Variants in GALNTL6 observed in about 807,000 individuals in gnomAD.
GALNTL6 encodes the protein polypeptide N-acetylgalactosaminyltransferase like 6, also known as polypeptide N-acetylgalactosaminyltransferase-like 6.
Under a neutral mutation model 73.7 loss-of-function variants are expected in GALNTL6, and 46 were observed. The observed-to-expected ratio is 0.62, with a 90% CI of 0.49 to 0.80. GALNTL6 has a LOEUF of 0.80. Ranked by LOEUF, GALNTL6 falls within the 30% of genes least tolerant of loss-of-function variation. The probability of loss-of-function intolerance (pLI) is 0.00; values close to 1 mark genes in which losing one functional copy is unlikely to be tolerated. For synonymous variants in GALNTL6, 259 were observed against 263.7 expected, an observed-to-expected ratio of 0.98 and a Z score of 0.17; for missense variants, 604 against 755.0, an observed-to-expected ratio of 0.80 and a Z score of 2.34.
Position 172,686,316 on chromosome 4 carries a change from C to A in GALNTL6, c.554-123045C>A, listed in dbSNP as rs572831455. Among the ~76,000 whole-genome samples, 43 of 152,194 alleles carry A rather than the reference C, an allele frequency of 2.8e-4. No homozygotes were observed. In the South Asian group the frequency reaches 8.5e-3, roughly 30 times the overall value. On this transcript the variant is annotated intron_variant, in intron 5 of 12. Coordinates refer to ENST00000506823, the MANE Select transcript of GALNTL6 (RefSeq NM_001034845.3). Reference sequence around the variant, plus strand: ...AGCAGGACCTGAGCAGAGCCTCAGACCCCCACCCCCACTCCCGCCATGAAC... The same window carrying A: ...AGCAGGACCTGAGCAGAGCCTCAGAACCCCACCCCCACTCCCGCCATGAAC...
chr4:172,949,410 T>G (rs1482319499), intron 9 of GALNTL6, among the ~76,000 whole-genome samples: 2 of 152,202 alleles, frequency 1.3e-5, no homozygotes, highest in Non-Finnish European at 2.9e-5. Context: ...TCATTATTAC[T>G]AGGTCATTTG....
chr4:172,961,576 G>T (rs1408650280), intron 10 of GALNTL6, among the ~76,000 whole-genome samples: 1 of 152,182 alleles, frequency 6.6e-6, no homozygotes, highest in South Asian at 2.1e-4. Context: ...GTCCGTGACC[G>T]GCACCAGAGT....
intron 10 of GALNTL6, among the ~76,000 whole-genome samples, chr4:172,965,180 G>A (rs1343736483): frequency 6.6e-6 from 1 of 152,124 alleles, no homozygotes; most frequent in South Asian, 2.1e-4. Context: ...AACGAGGTTG[G>A]GAAAAATGTA....
At chr4:172,860,139 TACAA>T (rs1209293325) in intron 7 of GALNTL6, among the ~76,000 whole-genome samples, 2 of 152,224 alleles carry the variant, frequency 1.3e-5, no homozygotes, top group African/African-American at 4.8e-5. Flanking sequence ...TGCTCAATGA[TACAA>T]ACATTGTGTT....
intron 2 of GALNTL6, among the ~76,000 whole-genome samples, chr4:172,120,708 T>C (rs17058072): frequency 0.12 from 18,867 of 151,908 alleles, 1,396 homozygotes; most frequent in East Asian, 0.31. Flanking sequence ...AGAAAGAGAA[T>C]GATAATGGAC....
At chr4:172,151,506 G>A (rs993222687) in intron 2 of GALNTL6, among the ~76,000 whole-genome samples, 5 of 152,172 alleles carry the variant, frequency 3.3e-5, no homozygotes, top group South Asian at 2.1e-4. Flanking sequence ...ATTTACACAT[G>A]AAGACTTTCA....
intron 5 of GALNTL6, among the ~76,000 whole-genome samples, chr4:172,702,481 A>C (rs745306125): frequency 1.3e-5 from 2 of 152,008 alleles, no homozygotes; most frequent in Non-Finnish European, 2.9e-5. Flanking sequence ...CTGAAGTCTG[A>C]ATGTCAGTTC....
At chr4:172,435,832 A>C (rs1214107275) in intron 5 of GALNTL6, among the ~76,000 whole-genome samples, 5 of 152,138 alleles carry the variant, frequency 3.3e-5, no homozygotes. Flanking sequence ...GAATAGTATG[A>C]GCCTTTTTAA....
intron 5 of GALNTL6, among the ~76,000 whole-genome samples, chr4:172,515,985 T>C (rs546687285): frequency 6.6e-6 from 1 of 152,340 alleles, no homozygotes; most frequent in African/African-American, 2.4e-5. Flanking sequence ...TCTATATGCA[T>C]ATCTATCTTT....
intron 5 of GALNTL6, among the ~76,000 whole-genome samples, chr4:172,528,977 T>TATATATA (rs1561123759): frequency 2.0e-3 from 13 of 6,584 alleles, no homozygotes; most frequent in Admixed American, 2.4e-3. Flanking sequence ...GTGTGTATAT[T>TATATATA]TATACATATG....
At chr4:172,651,688 A>G (rs1194278602) in intron 5 of GALNTL6, among the ~76,000 whole-genome samples, 1 of 152,208 alleles carries the variant, frequency 6.6e-6, no homozygotes, top group Non-Finnish European at 1.5e-5. Flanking sequence ...CAAAAGATAA[A>G]TCAAGTTTGG....
intron 5 of GALNTL6, among the ~76,000 whole-genome samples, chr4:172,616,279 A>G (rs1738726455): frequency 6.6e-6 from 1 of 152,176 alleles, no homozygotes; most frequent in South Asian, 2.1e-4. Flanking sequence ...CGTCTATTGT[A>G]ACCAAATAGC....
At position 172,941,495 on chromosome 4, in the gene GALNTL6, G is replaced by A. The variant is rs189835980; in HGVS notation, c.1149+10227G>A. Among the ~76,000 whole-genome samples the A allele has an allele frequency of 7.6e-4, 116 of 152,208 alleles. 2 individuals carry two copies. Among genetic ancestry groups the A allele is most frequent in the Non-Finnish European group, 4.1e-4 (28 of 68,016 alleles). ...ACCTGGAGACCTTGGCATTTCAGGC[G>A]GTTATTGAGCATTTACATAACTTTC... is the stretch of plus-strand genomic sequence containing the variant. On this transcript the variant is annotated intron_variant, in intron 9 of 12. Transcript: ENST00000506823.
At chr4:172,975,988 A>G (rs1168609222) in intron 10 of GALNTL6, among the ~76,000 whole-genome samples, 3 of 152,112 alleles carry the variant, frequency 2.0e-5, no homozygotes, top group Admixed American at 2.0e-4. Context: ...CAGCTGCGCC[A>G]GGGAGGTCGG....
chr4:172,877,338 G>C (rs1745242424), intron 7 of GALNTL6, among the ~76,000 whole-genome samples: 3 of 151,812 alleles, frequency 2.0e-5, no homozygotes, highest in Admixed American at 1.3e-4. Flanking sequence ...ATGGCATAAA[G>C]AGTCAATATG....
chr4:172,794,719 C>T (rs903262770), intron 5 of GALNTL6, among the ~76,000 whole-genome samples: 1 of 152,182 alleles, frequency 6.6e-6, no homozygotes, highest in Non-Finnish European at 1.5e-5. Flanking sequence ...CAGGTGATCA[C>T]AAAAGTACTC....
At chr4:172,175,314 C>T (rs1414733315) in intron 2 of GALNTL6, among the ~76,000 whole-genome samples, 2 of 152,140 alleles carry the variant, frequency 1.3e-5, no homozygotes, top group African/African-American at 4.8e-5. Context: ...GATCCACCCA[C>T]CTTGGCCTCC....
chr4:171,893,936 C>T (rs1204562012), intron 2 of GALNTL6, among the ~76,000 whole-genome samples: 4 of 151,354 alleles, frequency 2.6e-5, no homozygotes, highest in Admixed American at 2.6e-4. Flanking sequence ...CAAAGATCTT[C>T]CTTTCCTCCT....
chr4:172,806,125 C>T (rs1019750440), intron 5 of GALNTL6, among the ~76,000 whole-genome samples: 1 of 152,022 alleles, frequency 6.6e-6, no homozygotes, highest in African/African-American at 2.4e-5. Flanking sequence ...TGATACCTGC[C>T]TTCATCATGA....
Sources: gnomAD v4.1 joint callset for allele counts (sites outside exome capture counted in the v4.1 genomes callset) on GRCh38, gnomAD v4.1.1 for gene constraint, MANE v1.5 for transcripts, NCBI Gene and HGNC (gene_info 2026-07-23, HGNC 2026-07-21) for gene names.